Variants in ZDHHC24 observed in about 807,000 individuals in gnomAD.
ZDHHC24 encodes zDHHC palmitoyltransferase 24, also known as probable palmitoyltransferase ZDHHC24.
A neutral mutation model predicts 23.2 loss-of-function variants in ZDHHC24; 17 were observed. That is an observed-to-expected ratio of 0.73 (90% CI 0.50 to 1.10). The LOEUF is 1.10. Ranked by LOEUF, ZDHHC24 falls within the 50% of genes least tolerant of loss-of-function variation. The pLI, the probability that ZDHHC24 is intolerant of heterozygous loss-of-function variation, is 0.00. For synonymous variants in ZDHHC24, 186 were observed against 194.5 expected, an observed-to-expected ratio of 0.96 and a Z score of 0.36; for missense variants, 366 against 393.0, an observed-to-expected ratio of 0.93 and a Z score of 0.58.
At position 66,540,684 on chromosome 11, in the gene ZDHHC24, C is replaced by T. The variant is rs565623439; in HGVS notation, c.560-860G>A. 4.6e-5 allele frequency among the ~76,000 whole-genome samples: 7 copies of T among 151,344 alleles called. No homozygotes were observed. In the East Asian group the frequency reaches 9.8e-4, roughly 21 times the overall value. On this transcript the variant is annotated intron_variant, in intron 2 of 2. Transcript: ENST00000310442. The stretch of plus-strand genomic sequence containing the variant: ...TGGAGGCTGCAGTGAGCCAAGATTG[C>T]GCCATTGCACTCCAGCCTGGGTGAC...
chr11:66,526,383 C>A (rs757167202), intron 4 of ZDHHC24, among the ~76,000 whole-genome samples: 8 of 152,188 alleles, frequency 5.3e-5, no homozygotes, highest in African/African-American at 1.9e-4. Context: ...GGGCTGGATT[C>A]GATCTTTCTA....
At chr11:66,523,047 A>G (rs1856310470) in intron 4 of ZDHHC24, 1 of 417,796 alleles carries the variant, frequency 2.4e-6, no homozygotes, top group Non-Finnish European at 4.7e-6. Context: ...GAGGCCAGTA[A>G]ACTAAAAACT....
At chr11:66,532,408 A>C, downstream of ZDHHC24, 1 of 224,384 alleles carries the variant, frequency 4.5e-6, no homozygotes, top group Non-Finnish European at 9.0e-6. Context: ...CACATCACTC[A>C]TCTCCTGCTG....
downstream of ZDHHC24, chr11:66,530,955 G>T (rs202205304): frequency 2.5e-6 from 4 of 1,614,072 alleles, no homozygotes; most frequent in Admixed American, 5.0e-5. Flanking sequence ...TCAACAACCC[G>T]TCCTGTCCTG....
chr11:66,523,416 G>A, intron 4 of ZDHHC24: 1 of 1,614,108 alleles, frequency 6.2e-7, no homozygotes, highest in Non-Finnish European at 8.5e-7. Flanking sequence ...AAGTGGAGAG[G>A]ATTTCTCTGG....
chr11:66,530,352 C>T (rs1228211745), intron 2 of ZDHHC24, among the ~76,000 whole-genome samples: 1 of 151,690 alleles, frequency 6.6e-6, no homozygotes, highest in Non-Finnish European at 1.5e-5. Flanking sequence ...GGGGCCATCC[C>T]GGCCTCACCC....
chr11:66,523,451 C>T lies in ZDHHC24; in HGVS notation c.*22-1985G>A, dbSNP rs56177555. 4.7e-4 allele frequency: 759 copies of T among 1,614,094 alleles called. 4 individuals are homozygous for T. In the African/African-American group the frequency reaches 9.3e-3, roughly 20 times the overall value. The stretch of plus-strand genomic sequence containing the variant: ...GGGCCAGACAGTGTGTTGTTTATTC[C>T]ACAGAGACTCCAAGCACCCCAAGTA... On this transcript the variant is annotated intron_variant, in intron 4 of 4. Transcript: ENST00000526986.
intron 2 of ZDHHC24, among the ~76,000 whole-genome samples, chr11:66,540,441 A>AG (rs1857118341): frequency 6.6e-6 from 1 of 151,096 alleles, no homozygotes; most frequent in African/African-American, 2.4e-5. Context: ...AAAAAAAAAA[A>AG]AAAAAAGGCC....
Position 66,545,340 on chromosome 11 carries a change from A to C in ZDHHC24, c.281+383T>G, listed in dbSNP as rs1857282242. Among the ~76,000 whole-genome samples the C allele has an allele frequency of 6.6e-6, 1 of 152,132 alleles. No homozygotes were observed. The highest frequency in any genetic ancestry group is 1.5e-5 in the Non-Finnish European group (1 of 68,024). The stretch of plus-strand genomic sequence containing the variant: ...AGATGTGAGCCAACGCACCCGGCCT[A>C]ACCACCTATTTAATATTGAAACTTG... On this transcript the variant is annotated intron_variant, in intron 1 of 2. Coordinates refer to ENST00000310442, the MANE Select transcript of ZDHHC24 (RefSeq NM_207340.3). This position sits in a 1 kb window ranked among gnomAD's most constrained non-coding sequence, Gnocchi z 4.5.
chr11:66,522,795 A>T (rs1856299858), intron 4 of ZDHHC24: 2 of 259,954 alleles, frequency 7.7e-6, no homozygotes, highest in Non-Finnish European at 1.5e-5. Flanking sequence ...AGAAACCAAG[A>T]TGTTACTACA....
downstream of ZDHHC24, among the ~76,000 whole-genome samples, chr11:66,535,466 A>G (rs1309208401): frequency 6.6e-6 from 1 of 151,528 alleles, no homozygotes; most frequent in East Asian, 1.9e-4. Flanking sequence ...TCAGCCTCCC[A>G]AAGTGTGGGA....
downstream of ZDHHC24, chr11:66,532,258 G>A (rs1856818323): frequency 5.1e-6 from 3 of 585,482 alleles, no homozygotes; most frequent in Non-Finnish European, 9.1e-6. Flanking sequence ...AACCCAGCAT[G>A]GTCCCACTGA....
intron 2 of ZDHHC24, chr11:66,529,625 G>A: frequency 1.4e-6 from 1 of 715,290 alleles, no homozygotes; most frequent in Non-Finnish European, 2.4e-6. Context: ...GTGAGAAGAG[G>A]CAGGGCGAGG....
At chr11:66,532,987 C>T (rs1344507018), downstream of ZDHHC24, 3 of 152,184 alleles carry the variant, frequency 2.0e-5, no homozygotes, top group Non-Finnish European at 2.9e-5. Context: ...GTGGTCACAT[C>T]GTGAGAATTA....
chr11:66,524,181 G>A (rs1565286418), intron 4 of ZDHHC24: 1 of 404,010 alleles, frequency 2.5e-6, no homozygotes, highest in Non-Finnish European at 4.7e-6. Flanking sequence ...TCAGGAGGTT[G>A]AGGTAGGAGA....
chr11:66,520,965 C>T (rs113096860), downstream of ZDHHC24: 20,986 of 407,782 alleles, frequency 0.051, 607 homozygotes, highest in Middle Eastern at 0.082. Flanking sequence ...GCGATCCACC[C>T]GCCTCAGCCT....
chr11:66,534,495 A>G (rs1487158710), downstream of ZDHHC24, among the ~76,000 whole-genome samples: 2 of 137,496 alleles, frequency 1.5e-5, no homozygotes, highest in South Asian at 2.2e-4. Context: ...AAAAGAAAAG[A>G]AAAAAAAAAA....
chr11:66,540,543 C>CA (rs1200291819), intron 2 of ZDHHC24, among the ~76,000 whole-genome samples: 2 of 150,802 alleles, frequency 1.3e-5, no homozygotes, highest in African/African-American at 4.9e-5. Context: ...GCCTGACCAA[C>CA]ATGGTGAAAC....
In ZDHHC24 at chr11:66,526,668, G is replaced by A. The variant is rs761389294; in HGVS notation, c.*21+268C>T. ...CCCTAGGTGGTGGCCTGATCATCAA[G>A]ATCCTGAAGCGTACAGCAGTGTTTG... On this transcript the variant is annotated intron_variant, in intron 4 of 4. Transcript: ENST00000526986. 2 of 1,614,222 alleles carry A rather than the reference G, an allele frequency of 1.2e-6. No individual in the cohort carries two copies. Among genetic ancestry groups the A allele is most frequent in the Non-Finnish European group, 1.7e-6 (2 of 1,180,040 alleles).
Sources: allele counts gnomAD v4.1 joint callset (sites outside exome capture counted in the v4.1 genomes callset), GRCh38; gene constraint gnomAD v4.1.1; non-coding constraint Gnocchi (gnomAD v3.1); transcripts MANE v1.5; gene names NCBI Gene and HGNC (gene_info 2026-07-23, HGNC 2026-07-21).